Variants in TPD52L1 observed in about 807,000 individuals in gnomAD.
The protein encoded by TPD52L1 is tumor protein D53.
TPD52L1 carries 18 observed loss-of-function variants against 28.7 expected under a neutral mutation model. The ratio of observed to expected loss-of-function variants is 0.63; its 90% CI spans 0.43 to 0.93. TPD52L1 has a LOEUF of 0.93. Ranked by LOEUF, TPD52L1 falls within the 40% of genes least tolerant of loss-of-function variation. The probability of loss-of-function intolerance (pLI) is 0.00; values close to 1 mark genes in which losing one functional copy is unlikely to be tolerated. For missense variants in TPD52L1, 203 were observed against 254.8 expected (o/e 0.80, Z 1.39); for synonymous variants, 75 against 88.8 (o/e 0.84, Z 0.88).
intron 2 of TPD52L1, among the ~76,000 whole-genome samples, chr6:125,223,782 A>C (rs1342922032): frequency 6.6e-6 from 1 of 151,556 alleles, no homozygotes; most frequent in Non-Finnish European, 1.5e-5. Flanking sequence ...GTGGTCATGC[A>C]ATATGTATCT....
At chr6:125,184,626 T>G (rs995863004) in intron 1 of TPD52L1, among the ~76,000 whole-genome samples, 1 of 152,206 alleles carries the variant, frequency 6.6e-6, no homozygotes, top group Non-Finnish European at 1.5e-5. Context: ...AACACTGGTT[T>G]CATTTGATTC....
chr6:125,243,575 TC>T (rs1470704965), intron 3 of TPD52L1, among the ~76,000 whole-genome samples: 1 of 152,098 alleles, frequency 6.6e-6, no homozygotes, highest in African/African-American at 2.4e-5. Flanking sequence ...TTCTACTTGT[TC>T]TAGTCTATTG....
At chr6:125,180,663 A>C (rs1241084692) in intron 1 of TPD52L1, among the ~76,000 whole-genome samples, 1 of 152,102 alleles carries the variant, frequency 6.6e-6, no homozygotes, top group African/African-American at 2.4e-5. Context: ...GAGAGTGTTA[A>C]TTACCCCATT....
chr6:125,260,844 AAG>A (rs1477922877), intron 6 of TPD52L1, among the ~76,000 whole-genome samples: 2 of 118,436 alleles, frequency 1.7e-5, no homozygotes, highest in Non-Finnish European at 3.6e-5. Context: ...AAGGAAGAGA[AAG>A]AAAGTGAGAG....
At chr6:125,222,134 G>A (rs947262278) in intron 2 of TPD52L1, among the ~76,000 whole-genome samples, 10 of 152,208 alleles carry the variant, frequency 6.6e-5, no homozygotes, top group African/African-American at 2.4e-4. Context: ...GCGGATGTGT[G>A]GACACAGGAA....
intron 4 of TPD52L1, among the ~76,000 whole-genome samples, chr6:125,249,353 G>A (rs1317959541): frequency 2.6e-5 from 4 of 151,216 alleles, no homozygotes; most frequent in African/African-American, 9.7e-5. Context: ...TTATTTTACT[G>A]GATTCTTAAA....
chr6:125,262,943 A>G lies in TPD52L1; in HGVS notation c.596A>G (p.Glu199Gly), dbSNP rs753448082. ...SLAGGSRRTK[E>G]EELQC Reference sequence around the variant, plus strand: ...GCAGGAGGCTCCCGGCGGACCAAGGAGGAGGAGCTGCAGTGCTAAGTCCAG... The same window carrying G: ...GCAGGAGGCTCCCGGCGGACCAAGGGGGAGGAGCTGCAGTGCTAAGTCCAG... Residue 199 changes from glutamate to glycine, a missense_variant, in exon 7 of 7, where the codon GAG becomes GGG. Physicochemically the swap from Glu to Gly is moderately conservative, Grantham distance 98. Transcript: ENST00000534000. 1.2e-6 allele frequency: 2 copies of G among 1,613,992 alleles called. No homozygotes were observed. Among genetic ancestry groups the G allele is most frequent in the Admixed American group, 3.3e-5 (2 of 60,016 alleles).
intron 1 of TPD52L1, among the ~76,000 whole-genome samples, chr6:125,178,302 G>C (rs900440527): frequency 2.0e-5 from 3 of 152,102 alleles, no homozygotes; most frequent in African/African-American, 7.2e-5. Flanking sequence ...TTCTAAGGAA[G>C]GGGCAAATAG....
intron 2 of TPD52L1, among the ~76,000 whole-genome samples, chr6:125,225,352 G>A (rs949352899): frequency 1.3e-5 from 2 of 152,034 alleles, no homozygotes; most frequent in African/African-American, 4.8e-5. Flanking sequence ...TCAATTCTTT[G>A]GGGTATATAC....
chr6:125,201,513 T>C lies in TPD52L1; in HGVS notation c.20-18565T>C, dbSNP rs144570046. Among the ~76,000 whole-genome samples the C allele has an allele frequency of 2.9e-3, 441 of 152,330 alleles. 1 individual carries two copies. Among genetic ancestry groups the C allele is most frequent in the African/African-American group, 0.01 (419 of 41,574 alleles). On this transcript the variant is annotated intron_variant, in intron 1 of 6. Coordinates refer to ENST00000534000, the MANE Select transcript of TPD52L1 (RefSeq NM_003287.4). ...GGTTTGCACCTTTTTTTCTGTAAGATTGATTCTCAAAAGTGGGATGGCAGT... is the reference window on the plus strand; with the variant it reads ...GGTTTGCACCTTTTTTTCTGTAAGACTGATTCTCAAAAGTGGGATGGCAGT...
intron 1 of TPD52L1, among the ~76,000 whole-genome samples, chr6:125,172,157 T>TTTCTTTCTTTCTTTTC (rs1554202455): frequency 1.9e-5 from 1 of 54,040 alleles, no homozygotes; most frequent in Non-Finnish European, 3.4e-5. Context: ...TCTTTCTTTC[T>TTTCTTTCTTTCTTTTC]TTTCTTTCTT....
chr6:125,183,264 G>A (rs1404299449), intron 1 of TPD52L1, among the ~76,000 whole-genome samples: 2 of 152,136 alleles, frequency 1.3e-5, no homozygotes, highest in African/African-American at 4.8e-5. Flanking sequence ...GATCACTTGA[G>A]GTCAGGAGTT....
intron 3 of TPD52L1, among the ~76,000 whole-genome samples, chr6:125,235,227 T>G (rs1386185011): frequency 1.3e-5 from 2 of 151,632 alleles, no homozygotes; most frequent in African/African-American, 2.4e-5. Flanking sequence ...TCATGCAACT[T>G]TAAGATCAAG....
chr6:125,177,933 T>A (rs1366177177), intron 1 of TPD52L1, among the ~76,000 whole-genome samples: 1 of 152,168 alleles, frequency 6.6e-6, no homozygotes, highest in Non-Finnish European at 1.5e-5. Flanking sequence ...TCTTATAAAT[T>A]TAAAAGCTAA....
At chr6:125,174,752 C>A (rs1791715272) in intron 1 of TPD52L1, among the ~76,000 whole-genome samples, 1 of 152,118 alleles carries the variant, frequency 6.6e-6, no homozygotes, top group African/African-American at 2.4e-5. Context: ...GCAGTGCTTA[C>A]CTCTTCAGTT....
chr6:125,198,611 T>G (rs1412909643), intron 1 of TPD52L1, among the ~76,000 whole-genome samples: 3 of 152,224 alleles, frequency 2.0e-5, no homozygotes, highest in Non-Finnish European at 4.4e-5. Flanking sequence ...AATTTTCCTC[T>G]TTATAAATTA....
chr6:125,165,759 G>A (rs1790856518), intron 1 of TPD52L1, among the ~76,000 whole-genome samples: 1 of 152,066 alleles, frequency 6.6e-6, no homozygotes, highest in African/African-American at 2.4e-5. Flanking sequence ...GTCTTGTCAA[G>A]GATCATGGAA....
chr6:125,207,104 T>C (rs1265851770), intron 1 of TPD52L1, among the ~76,000 whole-genome samples: 3 of 152,276 alleles, frequency 2.0e-5, no homozygotes, highest in Admixed American at 2.0e-4. Flanking sequence ...GTTGATCAAG[T>C]CCTATCAGAA....
chr6:125,258,673 A>G (rs918512842), intron 6 of TPD52L1, among the ~76,000 whole-genome samples: 9 of 152,170 alleles, frequency 5.9e-5, no homozygotes, highest in African/African-American at 1.7e-4. Flanking sequence ...CATGGCTCAC[A>G]TAGGATTTAA....
Sources: allele counts gnomAD v4.1 joint callset (sites outside exome capture counted in the v4.1 genomes callset), GRCh38; gene constraint gnomAD v4.1.1; transcripts MANE v1.5; gene names NCBI Gene and HGNC (gene_info 2026-07-23, HGNC 2026-07-21).